FHIT: variants seen among roughly 807,000 people sequenced by gnomAD.
FHIT encodes bis(5'-adenosyl)-triphosphatase.
FHIT carries 19 observed loss-of-function variants against 17.9 expected under a neutral mutation model. The observed-to-expected ratio is 1.06, with a 90% CI of 0.74 to 1.56. The LOEUF is 1.56. FHIT is among the 40% of genes most tolerant of loss of function. The pLI, the probability that FHIT is intolerant of heterozygous loss-of-function variation, is 0.00. For missense variants in FHIT, 248 were observed against 189.2 expected (o/e 1.31, Z -1.82); for synonymous variants, 81 against 69.7 (o/e 1.16, Z -0.81).
At chr3:60,123,962 CTAAAAATATATATATA>C (rs1559653151) in intron 5 of FHIT, among the ~76,000 whole-genome samples, 18 of 63,284 alleles carry the variant, frequency 2.8e-4, no homozygotes, top group African/African-American at 1.1e-3. Context: ...CAGAAATGCA[CTAAAAATATATATATA>C]TATATATATA....
chr3:60,603,840 T>A (rs376814278), intron 4 of FHIT, among the ~76,000 whole-genome samples: 27 of 152,258 alleles, frequency 1.8e-4, no homozygotes, highest in South Asian at 4.2e-4. Context: ...TGTAAATAGA[T>A]CTCTGGCTTA....
At chr3:60,753,503 C>A (rs1440423284) in intron 4 of FHIT, among the ~76,000 whole-genome samples, 5 of 152,172 alleles carry the variant, frequency 3.3e-5, no homozygotes, top group Non-Finnish European at 7.4e-5. Context: ...GGTAAGGGAG[C>A]GATCCACTCT....
rs891909925 is a variant in FHIT, at chr3:60,500,726, T to C, written c.103+36134A>G. 3.9e-5 allele frequency among the ~76,000 whole-genome samples: 5 copies of C among 127,618 alleles called. No homozygotes were observed. In the South Asian group the frequency reaches 1.0e-3, roughly 26 times the overall value. The allele number at this position is 127,618 out of a possible 152,430, so 83.7% of individuals were successfully genotyped here. A position where few individuals can be genotyped will look rare whatever the true frequency, so the allele number is the denominator to read the frequency against. ...AGGCAGAGGTTGCAGTGAGCCAAGA[T>C]CACCCCACTGCACTCCAGCCTGGGT... is the stretch of plus-strand genomic sequence containing the variant. On this transcript the variant is annotated intron_variant, in intron 5 of 9. Transcript: ENST00000492590.
intron 4 of FHIT, among the ~76,000 whole-genome samples, chr3:60,613,796 C>G (rs1453168712): frequency 1.3e-5 from 2 of 152,044 alleles, no homozygotes; most frequent in African/African-American, 4.8e-5. Context: ...GTAGCTTCTC[C>G]CCATGCAACA....
At chr3:60,793,688 C>A (rs2108125766) in intron 4 of FHIT, among the ~76,000 whole-genome samples, 1 of 152,302 alleles carries the variant, frequency 6.6e-6, no homozygotes, top group South Asian at 2.1e-4. Flanking sequence ...AGGCAAGAAG[C>A]CAAGCGAGGG....
chr3:59,801,529 A>G (rs1699992874), intron 8 of FHIT, among the ~76,000 whole-genome samples: 1 of 152,204 alleles, frequency 6.6e-6, no homozygotes, highest in Non-Finnish European at 1.5e-5. Context: ...GTGAAAATAT[A>G]GACTTTAAAA....
chr3:59,927,135 G>A lies in FHIT; in HGVS notation c.280-4721C>T, dbSNP rs545845124. Among the ~76,000 whole-genome samples, 8 of 150,988 alleles carry A rather than the reference G, an allele frequency of 5.3e-5. No individual in the cohort carries two copies. The South Asian group carries it at 1.7e-3, about 32-fold the overall frequency. ...ATATGAAGACAATAGGATATGATTT[G>A]GCCATAAAAAGGAGTGATGTGCGCT... On this transcript the variant is annotated intron_variant, in intron 7 of 9. Transcript: ENST00000492590.
intron 5 of FHIT, among the ~76,000 whole-genome samples, chr3:60,109,576 C>T (rs558718313): frequency 1.3e-5 from 2 of 152,096 alleles, no homozygotes; most frequent in Non-Finnish European, 2.9e-5. Context: ...CAAAGCAGAA[C>T]AGAGAAAGGG....
At chr3:59,940,799 T>C (rs1425504093) in intron 7 of FHIT, among the ~76,000 whole-genome samples, 1 of 152,188 alleles carries the variant, frequency 6.6e-6, no homozygotes, top group Non-Finnish European at 1.5e-5. Flanking sequence ...GAAAACCTCT[T>C]AGCACCGCCC....
intron 8 of FHIT, among the ~76,000 whole-genome samples, chr3:59,852,124 A>T (rs969314083): frequency 1.2e-4 from 18 of 152,154 alleles, no homozygotes; most frequent in African/African-American, 4.3e-4. Flanking sequence ...TCTCCAGCAT[A>T]TGGCTCTCCA....
At chr3:60,327,496 A>G (rs1470307652) in intron 5 of FHIT, among the ~76,000 whole-genome samples, 1 of 152,210 alleles carries the variant, frequency 6.6e-6, no homozygotes, top group African/African-American at 2.4e-5. Context: ...CATTATTTAC[A>G]AAAACAGCCA....
At chr3:59,912,838 A>T (rs1401538377) in intron 8 of FHIT, among the ~76,000 whole-genome samples, 1 of 152,208 alleles carries the variant, frequency 6.6e-6, no homozygotes, top group Non-Finnish European at 1.5e-5. Context: ...AGTTGTAAGC[A>T]AGACTGTTTC....
chr3:59,930,775 G>A (rs146830276), intron 7 of FHIT, among the ~76,000 whole-genome samples: 1 of 152,206 alleles, frequency 6.6e-6, no homozygotes, highest in African/African-American at 2.4e-5. Flanking sequence ...CAGAAGAGGA[G>A]AGTGGCTTTT....
intron 2 of FHIT, among the ~76,000 whole-genome samples, chr3:61,088,913 G>C (rs538402489): frequency 2.6e-5 from 4 of 152,296 alleles, no homozygotes; most frequent in African/African-American, 9.6e-5. Context: ...AGTACTGCAA[G>C]TGTGGGAAAT....
chr3:60,476,400 CAT>C (rs1262847467), intron 5 of FHIT, among the ~76,000 whole-genome samples: 1 of 152,124 alleles, frequency 6.6e-6, no homozygotes, highest in Non-Finnish European at 1.5e-5. Context: ...CAAATCCAGA[CAT>C]AAGAGAAACT....
chr3:60,924,373 A>G (rs1265495167), intron 3 of FHIT, among the ~76,000 whole-genome samples: 2 of 152,120 alleles, frequency 1.3e-5, no homozygotes, highest in South Asian at 2.1e-4. Context: ...CCAGAGGAAC[A>G]ATCAGTCAGG....
chr3:61,109,276 T>G (rs953567995), intron 2 of FHIT, among the ~76,000 whole-genome samples: 10 of 152,184 alleles, frequency 6.6e-5, no homozygotes, highest in Admixed American at 5.9e-4. Flanking sequence ...GTATGGCAGA[T>G]GCACTTGAAT....
chr3:60,049,007 C>T (rs991507789), intron 5 of FHIT, among the ~76,000 whole-genome samples: 11 of 152,174 alleles, frequency 7.2e-5, no homozygotes, highest in Admixed American at 3.3e-4. Context: ...CCACAGCACA[C>T]CAGCAGCCTA....
At chr3:61,216,723 A>G (rs2039687412) in intron 1 of FHIT, among the ~76,000 whole-genome samples, 1 of 152,212 alleles carries the variant, frequency 6.6e-6, no homozygotes, top group African/African-American at 2.4e-5. Context: ...TATTCACAAT[A>G]GCAAAGACTT....
Sources: allele counts gnomAD v4.1 joint callset (sites outside exome capture counted in the v4.1 genomes callset), GRCh38; gene constraint gnomAD v4.1.1; transcripts MANE v1.5; gene names NCBI Gene and HGNC (gene_info 2026-07-23, HGNC 2026-07-21).